RHOJ: variants seen among roughly 807,000 people sequenced by gnomAD.
The protein encoded by RHOJ is ras homolog family member J, also known as rho-related GTP-binding protein RhoJ.
RHOJ carries 11 observed loss-of-function variants against 23.4 expected under a neutral mutation model. The ratio of observed to expected loss-of-function variants is 0.47; its 90% CI spans 0.30 to 0.78. The LOEUF (loss-of-function observed/expected upper bound fraction) is 0.78, where lower values mean the gene tolerates loss of function less well. Ranked by LOEUF, RHOJ falls within the 30% of genes least tolerant of loss-of-function variation. The pLI is 0.08. For synonymous variants in RHOJ, 102 were observed against 102.7 expected (o/e 0.99, Z 0.04); for missense variants, 254 against 273.4 (o/e 0.93, Z 0.50).
chr14:63,289,938 A>C (rs1355085682), intron 4 of RHOJ, among the ~76,000 whole-genome samples: 1 of 152,120 alleles, frequency 6.6e-6, no homozygotes, highest in Non-Finnish European at 1.5e-5. Flanking sequence ...TTTTTAAAAA[A>C]TATGCCTTTT....
intron 1 of RHOJ, among the ~76,000 whole-genome samples, chr14:63,262,130 T>C (rs1895282917): frequency 6.6e-6 from 1 of 152,204 alleles, no homozygotes; most frequent in Non-Finnish European, 1.5e-5. Flanking sequence ...ATAGTCATCA[T>C]ATTGACTTCA....
intron 1 of RHOJ, among the ~76,000 whole-genome samples, chr14:63,268,619 T>C (rs1232669624): frequency 2.0e-5 from 3 of 152,246 alleles, no homozygotes; most frequent in Admixed American, 6.5e-5. Context: ...TATAAAAGTA[T>C]GTATTAATAG....
Position 63,283,215 on chromosome 14 carries a change from C to T in RHOJ, c.497C>T (p.Ala166Val). ...TYEHGVKLAKAIGAQCYLECS... is the reference protein window; with the variant it reads ...TYEHGVKLAKVIGAQCYLECS... Reference sequence around the variant, plus strand: ...GAGCATGGTGTGAAGCTCGCAAAAGCGGTACAGTCAGATTTGAATTTCATT... The same window carrying T: ...GAGCATGGTGTGAAGCTCGCAAAAGTGGTACAGTCAGATTTGAATTTCATT... Residue 166 changes from alanine to valine, a missense_variant and splice_region_variant, in exon 4 of 5, where the codon GCG (alanine) becomes GTG (valine). Physicochemically the swap from Ala to Val is moderately conservative, Grantham distance 64 (BLOSUM62 0). Transcript: ENST00000316754. 3.1e-6 allele frequency: 5 copies of T among 1,610,190 alleles called. No individual in the cohort carries two copies. Among genetic ancestry groups the T allele is most frequent in the Non-Finnish European group, 4.2e-6 (5 of 1,176,618 alleles).
chr14:63,212,809 T>C (rs1278787926), intron 1 of RHOJ, among the ~76,000 whole-genome samples: 1 of 152,234 alleles, frequency 6.6e-6, no homozygotes, highest in Non-Finnish European at 1.5e-5. Flanking sequence ...TTGCTAAATA[T>C]GTAAAATAAC....
intron 1 of RHOJ, among the ~76,000 whole-genome samples, chr14:63,216,149 A>C (rs1594751324): frequency 6.6e-6 from 1 of 152,220 alleles, no homozygotes; most frequent in Non-Finnish European, 1.5e-5. Flanking sequence ...TTTTGCTTCC[A>C]GTCAAATTTT....
At chr14:63,284,518 T>C (rs903275926) in intron 4 of RHOJ, 1 of 214,020 alleles carries the variant, frequency 4.7e-6, no homozygotes, top group African/African-American at 2.4e-5. Context: ...GTCAAAAACT[T>C]CCAATCCAGC....
At chr14:63,255,348 C>T (rs1895144417) in intron 1 of RHOJ, among the ~76,000 whole-genome samples, 1 of 152,186 alleles carries the variant, frequency 6.6e-6, no homozygotes. Context: ...TTGTGGAATA[C>T]ACTGCTCCCT....
intron 1 of RHOJ, among the ~76,000 whole-genome samples, chr14:63,206,337 G>T (rs1261373240): frequency 6.6e-6 from 1 of 152,122 alleles, no homozygotes. Flanking sequence ...TAATGACTAT[G>T]CCCAGAGAAG....
At chr14:63,235,513 A>G (rs960798312) in intron 1 of RHOJ, among the ~76,000 whole-genome samples, 2 of 152,198 alleles carry the variant, frequency 1.3e-5, no homozygotes, top group African/African-American at 4.8e-5. Flanking sequence ...TTACTTTCAA[A>G]TGGTTCAGGG....
At chr14:63,240,495 G>GA (rs1243258926) in intron 1 of RHOJ, among the ~76,000 whole-genome samples, 1 of 151,928 alleles carries the variant, frequency 6.6e-6, no homozygotes. Flanking sequence ...GAAGGGAAAA[G>GA]AAAAAAAGAT....
At position 63,225,656 on chromosome 14, in the gene RHOJ, T is replaced by A. The variant is rs187601036; in HGVS notation, c.178+20609T>A. 9.5e-4 allele frequency among the ~76,000 whole-genome samples: 145 copies of A among 152,232 alleles called. 1 individual carries two copies. The highest frequency in any genetic ancestry group is 2.9e-3 in the African/African-American group (119 of 41,530). ...TTTTCAGTAAAACTAGGACACAGAC[T>A]CTAACGTATTTTGAAAAGGATGCCA... On this transcript the variant is annotated intron_variant, in intron 1 of 4. Coordinates refer to ENST00000316754, the MANE Select transcript of RHOJ (RefSeq NM_020663.5).
intron 1 of RHOJ, among the ~76,000 whole-genome samples, chr14:63,217,251 C>T (rs1894383904): frequency 7.5e-6 from 1 of 132,928 alleles, no homozygotes; most frequent in South Asian, 3.0e-4. Flanking sequence ...CCCCACCCCA[C>T]AACAGTCCCC....
chr14:63,211,922 C>T (rs894555659), intron 1 of RHOJ, among the ~76,000 whole-genome samples: 1 of 152,150 alleles, frequency 6.6e-6, no homozygotes, highest in Non-Finnish European at 1.5e-5. Context: ...AATAAAAGAG[C>T]CACTGTTAGT....
chr14:63,263,927 G>A (rs541781141), intron 1 of RHOJ, among the ~76,000 whole-genome samples: 23 of 151,456 alleles, frequency 1.5e-4, no homozygotes, highest in African/African-American at 5.3e-4. Context: ...ACCCTGGGTA[G>A]CTCTTGGCCA....
chr14:63,229,196 G>A (rs767974415), intron 1 of RHOJ, among the ~76,000 whole-genome samples: 3 of 152,118 alleles, frequency 2.0e-5, no homozygotes, highest in Non-Finnish European at 4.4e-5. Context: ...TACAAAGTGA[G>A]TCCAAATAAT....
At chr14:63,228,495 G>A (rs1894634888) in intron 1 of RHOJ, among the ~76,000 whole-genome samples, 3 of 152,092 alleles carry the variant, frequency 2.0e-5, no homozygotes, top group Non-Finnish European at 4.4e-5. Flanking sequence ...CTCATAAAAT[G>A]GAATACCATG....
intron 1 of RHOJ, among the ~76,000 whole-genome samples, chr14:63,254,145 G>A (rs1895121038): frequency 1.3e-5 from 2 of 152,256 alleles, no homozygotes; most frequent in South Asian, 4.1e-4. Flanking sequence ...CATTGTCTCG[G>A]CTGTCAGTGC....
intron 1 of RHOJ, among the ~76,000 whole-genome samples, chr14:63,218,379 T>C (rs2139734416): frequency 6.6e-6 from 1 of 152,310 alleles, no homozygotes; most frequent in Admixed American, 6.5e-5. Context: ...AATATAAGTA[T>C]GTCATGGCAC....
At chr14:63,252,507 C>T (rs949545188) in intron 1 of RHOJ, among the ~76,000 whole-genome samples, 1 of 152,168 alleles carries the variant, frequency 6.6e-6, no homozygotes, top group African/African-American at 2.4e-5. Flanking sequence ...TACTTTTCAT[C>T]CTGAAAAAGT....
Sources: allele counts gnomAD v4.1 joint callset (sites outside exome capture counted in the v4.1 genomes callset), GRCh38; gene constraint gnomAD v4.1.1; transcripts MANE v1.5; gene names NCBI Gene and HGNC (gene_info 2026-07-23, HGNC 2026-07-21).